Variants in ACTL8 observed in about 807,000 individuals in gnomAD.
ACTL8 encodes the protein actin like 8, also known as actin-like protein 8.
ACTL8 carries 3 observed loss-of-function variants against 9.3 expected under a neutral mutation model. The observed-to-expected ratio is 0.32, with a 90% confidence interval of 0.15 to 0.83. The LOEUF is 0.83. ACTL8 is among the 40% of genes least tolerant of loss of function. The probability of loss-of-function intolerance (pLI) is 0.57; values close to 1 mark genes in which losing one functional copy is unlikely to be tolerated. For synonymous variants in ACTL8, 224 were observed against 205.9 expected (o/e 1.09, Z -0.75); for missense variants, 381 against 492.2 (o/e 0.77, Z 2.14).
At chr1:17,776,587 G>A (rs935312769) in intron 1 of ACTL8, among the ~76,000 whole-genome samples, 15 of 152,036 alleles carry the variant, frequency 9.9e-5, no homozygotes, top group South Asian at 2.1e-4. Context: ...CTCTGCCGTC[G>A]TCCCTTCTTC....
At chr1:17,758,926 G>A (rs374098919) in intron 1 of ACTL8, among the ~76,000 whole-genome samples, 13 of 152,294 alleles carry the variant, frequency 8.5e-5, no homozygotes, top group South Asian at 6.2e-4. Flanking sequence ...GTCTTTAGGT[G>A]ACAGAATGTT....
At chr1:17,760,320 A>G (rs988040906) in intron 1 of ACTL8, among the ~76,000 whole-genome samples, 16 of 152,138 alleles carry the variant, frequency 1.1e-4, no homozygotes, top group African/African-American at 3.6e-4. Context: ...GCCAGTCTTC[A>G]ATTCCCCAGA....
At chr1:17,761,222 C>T (rs569908353) in intron 1 of ACTL8, among the ~76,000 whole-genome samples, 22 of 151,750 alleles carry the variant, frequency 1.4e-4, no homozygotes, top group East Asian at 9.7e-4. Context: ...GCAGCCCTCC[C>T]GGCCTCCCAA....
At chr1:17,789,385 GT>G (rs2066221290) in intron 1 of ACTL8, among the ~76,000 whole-genome samples, 2 of 152,216 alleles carry the variant, frequency 1.3e-5, no homozygotes, top group Admixed American at 1.3e-4. Context: ...GTCCCTCTCA[GT>G]GCCCCTTGCA....
rs1001943270 is a variant in ACTL8, at chr1:17,826,601, G to T, written c.*82G>T. 1.4e-5 allele frequency: 18 copies of T among 1,298,876 alleles called. No individual in the cohort carries two copies. Among genetic ancestry groups the T allele is most frequent in the Non-Finnish European group, 1.5e-5 (15 of 973,838 alleles). 80.5% of individuals were successfully genotyped at this position (1,298,876 alleles called of 1,614,324 possible). A position where few individuals can be genotyped will look rare whatever the true frequency, so the allele number is the denominator to read the frequency against. On this transcript the variant is annotated 3_prime_UTR_variant, in exon 3 of 3. Transcript: ENST00000375406. This position sits in a 1 kb window ranked among gnomAD's most constrained non-coding sequence, Gnocchi z 4.5. ...TTTTAGCAAAATGTTCTGGGTGGGG[G>T]TAGAATGAGGTGGGGTGGGGTGAGC... is the stretch of plus-strand genomic sequence containing the variant.
chr1:17,817,800 A>G (rs2066438071), intron 1 of ACTL8, among the ~76,000 whole-genome samples: 1 of 151,894 alleles, frequency 6.6e-6, no homozygotes, highest in Admixed American at 6.6e-5. Flanking sequence ...TCCTGGGTTC[A>G]AGCAATTCTC....
chr1:17,806,104 A>T (rs1417420374), intron 1 of ACTL8, among the ~76,000 whole-genome samples: 6 of 152,132 alleles, frequency 3.9e-5, no homozygotes, highest in African/African-American at 1.4e-4. Flanking sequence ...CCCTGTTTAC[A>T]CAGCCGGGAT....
chr1:17,805,032 C>T (rs914577318), intron 1 of ACTL8, among the ~76,000 whole-genome samples: 2 of 152,178 alleles, frequency 1.3e-5, no homozygotes, highest in Admixed American at 6.5e-5. Context: ...TCCCTAGGGA[C>T]CAAAGCCGTA....
At chr1:17,782,923 A>G (rs1421341750) in intron 1 of ACTL8, among the ~76,000 whole-genome samples, 1 of 152,114 alleles carries the variant, frequency 6.6e-6, no homozygotes, top group African/African-American at 2.4e-5. Flanking sequence ...TTAATTCCCC[A>G]CTCAATCAAT....
rs141563095 is a variant in ACTL8 at position 17,826,214 on chromosome 1, G to A, written c.796G>A (p.Glu266Lys). The change falls in exon 3 of 3, where the codon GAG becomes AAG. Residue 266 changes from glutamate (E) to lysine (K), a missense_variant. Glu to Lys is a moderately conservative substitution (Grantham distance 56, BLOSUM62 1). This residue lies in a region of ACTL8 where 243 missense variants were observed against 276.2 expected (regional missense o/e 0.88). Coordinates refer to ENST00000375406, the MANE Select transcript of ACTL8 (RefSeq NM_030812.3). This position sits in a 1 kb window ranked among gnomAD's most constrained non-coding sequence, Gnocchi z 4.5. ...GATGTTCTTTAGCCCGCAGGTGTTC[G>A]AGCAGCCGGGGCCCAGCATCCCACG... The part of the protein sequence containing the change: ...PEMFFSPQVF[E>K]QPGPSIPRAI... 6 of 1,613,290 alleles carry A rather than the reference G, an allele frequency of 3.7e-6. No homozygotes were observed. The highest frequency in any genetic ancestry group is 3.3e-5 in the Admixed American group (2 of 60,014).
chr1:17,784,781 G>A (rs79841694), intron 1 of ACTL8, among the ~76,000 whole-genome samples: 8,903 of 152,236 alleles, frequency 0.058, 674 homozygotes, highest in Admixed American at 0.2. Flanking sequence ...CCTAGGTTGT[G>A]GAGTCAGATG....
intron 1 of ACTL8, among the ~76,000 whole-genome samples, chr1:17,774,767 G>A (rs1557430658): frequency 1.3e-5 from 2 of 152,132 alleles, no homozygotes; most frequent in South Asian, 2.1e-4. Flanking sequence ...TCTGAGCTGC[G>A]GTAGAGGTGT....
chr1:17,816,830 G>A (rs1271245904), intron 1 of ACTL8, among the ~76,000 whole-genome samples: 3 of 152,146 alleles, frequency 2.0e-5, no homozygotes, highest in Non-Finnish European at 2.9e-5. Context: ...AACTCTTTGA[G>A]TTGCATAGGT....
At chr1:17,756,018 C>T (rs561408600) in intron 1 of ACTL8, among the ~76,000 whole-genome samples, 1 of 152,174 alleles carries the variant, frequency 6.6e-6, no homozygotes, top group South Asian at 2.1e-4. Flanking sequence ...TACTCTGTCA[C>T]AGGTGGCAGG....
chr1:17,788,146 T>A lies in ACTL8; in HGVS notation c.-25+32642T>A, dbSNP rs2066211860. The stretch of plus-strand genomic sequence containing the variant: ...GTGTATAGCATAGATATCAACCCTC[T>A]TTTTGCCTTCTGTGTAGCAGTTATT... On this transcript the variant is annotated intron_variant, in intron 1 of 2. Coordinates refer to ENST00000375406, the MANE Select transcript of ACTL8 (RefSeq NM_030812.3). 2.0e-5 allele frequency among the ~76,000 whole-genome samples: 3 copies of A among 152,212 alleles called. No homozygotes were observed. The South Asian group carries it at 6.2e-4, about 32-fold the overall frequency.
rs537734468 is a variant in ACTL8, at chr1:17,811,086, T to C, written c.-24-11899T>C. Among the ~76,000 whole-genome samples the C allele has an allele frequency of 5.3e-5, 8 of 152,358 alleles. No individual in the cohort carries two copies. The South Asian group carries it at 1.7e-3, about 32-fold the overall frequency. ...AACTGTTTTCCAGAGTGTACACTTT[T>C]ATATTCCCACTAGCAGTGTATGAGA... is the stretch of plus-strand genomic sequence containing the variant. On this transcript the variant is annotated intron_variant, in intron 1 of 2. Coordinates refer to ENST00000375406, the MANE Select transcript of ACTL8 (RefSeq NM_030812.3).
chr1:17,795,283 A>G, intron 1 of ACTL8, among the ~76,000 whole-genome samples: 1 of 151,950 alleles, frequency 6.6e-6, no homozygotes, highest in Non-Finnish European at 1.5e-5. Flanking sequence ...GCCCCTCCCC[A>G]CCGTACTTTG....
At chr1:17,777,724 A>T (rs983045576) in intron 1 of ACTL8, among the ~76,000 whole-genome samples, 1 of 152,194 alleles carries the variant, frequency 6.6e-6, no homozygotes, top group Non-Finnish European at 1.5e-5. Context: ...GTTTTGAAAC[A>T]GTCTCACTCT....
At chr1:17,825,742 C>T in intron 2 of ACTL8, 25 bp from the exon 3 acceptor site, 4 of 1,601,284 alleles carry the variant, frequency 2.5e-6, no homozygotes, top group Middle Eastern at 1.7e-4. Context: ...GGGAAATGCA[C>T]TGAGTGAATT....
Sources: allele counts gnomAD v4.1 joint callset (sites outside exome capture counted in the v4.1 genomes callset), GRCh38; gene constraint gnomAD v4.1.1; regional missense constraint gnomAD v4.1.1; non-coding constraint Gnocchi (gnomAD v3.1); transcripts MANE v1.5; gene names NCBI Gene and HGNC (gene_info 2026-07-23, HGNC 2026-07-21).